Variants in CD300LD observed in about 807,000 individuals in gnomAD.
CD300LD encodes CD300 molecule like family member d, also known as CMRF35-like molecule 5.
CD300LD carries 18 observed loss-of-function variants against 20.3 expected under a neutral mutation model. The observed-to-expected ratio is 0.89, with a 90% confidence interval of 0.61 to 1.32. The LOEUF is 1.32. Ranked by LOEUF, CD300LD falls within the 40% of genes most tolerant of loss-of-function variation. The pLI is 0.00. For missense variants in CD300LD, 195 were observed against 226.6 expected (o/e 0.86, Z 0.90); for synonymous variants, 104 against 90.1 (o/e 1.15, Z -0.87).
chr17:74,588,983 T>C (rs1057203766), intron 1 of CD300LD, 134 bp from the exon 2 acceptor site: 2 of 626,966 alleles, frequency 3.2e-6, no homozygotes, highest in Admixed American at 5.9e-5. Context: ...TCAAGACAAA[T>C]CTTTGTCCTT....
At chr17:74,580,176 G>T in intron 3 of CD300LD, 63 bp from the exon 4 acceptor site, 1 of 1,064,938 alleles carries the variant, frequency 9.4e-7, no homozygotes, top group Non-Finnish European at 1.4e-6. Flanking sequence ...GGTCTTCTCA[G>T]CTCTATGCCC....
chr17:74,591,918 G>T (rs1403857181), intron 1 of CD300LD: 3 of 1,056,544 alleles, frequency 2.8e-6, no homozygotes, highest in Non-Finnish European at 4.0e-6. Flanking sequence ...GAACAGTCAG[G>T]GTTGAGAACC....
chr17:74,587,330 A>G (rs140029696), intron 2 of CD300LD, among the ~76,000 whole-genome samples: 252 of 152,264 alleles, frequency 1.7e-3, no homozygotes, highest in African/African-American at 4.5e-3. Flanking sequence ...ATGTTTTTCC[A>G]TTTCATTTAA....
chr17:74,580,245 C>G (rs1263767613), intron 3 of CD300LD, 132 bp from the exon 4 acceptor site: 13 of 649,732 alleles, frequency 2.0e-5, no homozygotes, highest in Non-Finnish European at 3.1e-5. Context: ...CAGGCCAGCC[C>G]CTTTGGTGGG....
chr17:74,579,220 T>C (rs1341271472), downstream of CD300LD: 1 of 152,250 alleles, frequency 6.6e-6, no homozygotes, highest in Non-Finnish European at 1.5e-5. Flanking sequence ...TCCCTTAAGT[T>C]GGCCCATTAC....
chr17:74,579,788 G>A lies in CD300LD; in HGVS notation c.*214C>T, dbSNP rs1013288013. On this transcript the variant is annotated 3_prime_UTR_variant, in exon 4 of 4. Coordinates refer to ENST00000375352, the MANE Select transcript of CD300LD (RefSeq NM_001115152.2). ...TAGCCCCAGCTACTCTGGAGGTTGA[G>A]GCAGGAGGATCGCTTGAGCCTGGGA... The A allele has an allele frequency of 5.3e-5, 18 of 339,970 alleles. No individual in the cohort carries two copies. Among genetic ancestry groups the A allele is most frequent in the Admixed American group, 1.6e-4 (4 of 25,038 alleles). The allele number at this position is 339,970 out of a possible 1,614,324, so 21.1% of individuals were successfully genotyped here.
At chr17:74,591,265 TAAA>T (rs373754208) in intron 1 of CD300LD, among the ~76,000 whole-genome samples, 1 of 106,290 alleles carries the variant, frequency 9.4e-6, no homozygotes, top group South Asian at 3.0e-4. Flanking sequence ...AAAAAAAAAA[TAAA>T]AATAATAATA....
chr17:74,586,552 A>G (rs1195693247), intron 2 of CD300LD, among the ~76,000 whole-genome samples: 2 of 152,092 alleles, frequency 1.3e-5, no homozygotes, highest in Non-Finnish European at 2.9e-5. Context: ...CCTATAAACA[A>G]TGGAGGCATT....
intron 1 of CD300LD, among the ~76,000 whole-genome samples, chr17:74,591,577 A>C (rs1203788944): frequency 6.6e-6 from 1 of 152,176 alleles, no homozygotes; most frequent in Non-Finnish European, 1.5e-5. Context: ...ATATCTCCAT[A>C]CAAAACTGTG....
intron 1 of CD300LD, among the ~76,000 whole-genome samples, chr17:74,591,519 G>A (rs78790816): frequency 0.028 from 4,258 of 151,982 alleles, 393 homozygotes; most frequent in East Asian, 0.25. Flanking sequence ...AATTAACATA[G>A]GATTCAGCCA....
intron 2 of CD300LD, 97 bp downstream of exon 2, chr17:74,588,414 G>T (rs1238949506): frequency 4.0e-6 from 3 of 757,978 alleles, no homozygotes; most frequent in African/African-American, 1.7e-5. Context: ...TCTGTCACAG[G>T]TCACTCTGAG....
At position 74,579,829 on chromosome 17, in the gene CD300LD, G is replaced by A. The variant is rs1199034170; in HGVS notation, c.*173C>T. The A allele has an allele frequency of 5.0e-5, 22 of 443,324 alleles. No homozygotes were observed. Among genetic ancestry groups the A allele is most frequent in the South Asian group, 7.7e-5 (3 of 38,852 alleles). The allele number at this position is 443,324 out of a possible 1,614,324, so 27.5% of individuals were successfully genotyped here. A position where few individuals can be genotyped will look rare whatever the true frequency, so the allele number is the denominator to read the frequency against. On this transcript the variant is annotated 3_prime_UTR_variant, in exon 4 of 4. Transcript: ENST00000375352. ...GAGCCTGGGAGGGGAAAGTTGCAGT[G>A]AGCAGAGATTACACCATTGCATTCC...
chr17:74,580,007 A>T lies in CD300LD; in HGVS notation c.580T>A (p.Ser194Thr), dbSNP rs780456281. Residue 194 changes from serine to threonine, a missense_variant, in exon 4 of 4, where the codon TCT becomes ACT. Physicochemically the swap from Ser to Thr is moderately conservative, Grantham distance 58. Coordinates refer to ENST00000375352, the MANE Select transcript of CD300LD (RefSeq NM_001115152.2). ...TCGGGCTGACTCCTCCTCCTTCAAG[A>T]CCTTCTTTGTGGTCTGTTTACCCAG... Reference protein sequence around the residue: ...VLWVNRPQRRS With the variant: ...VLWVNRPQRRT The T allele has an allele frequency of 1.2e-6, 2 of 1,607,996 alleles. No homozygotes were observed. The highest frequency in any genetic ancestry group is 1.7e-6 in the Non-Finnish European group (2 of 1,176,210).
Position 74,579,740 on chromosome 17 carries a change from C to T in CD300LD, c.*262G>A. The stretch of plus-strand genomic sequence containing the variant: ...CTCTACAAAAAAATTTAAAAATTAG[C>T]TGGGGGTGGTGGCATGTGCCTGTAG... On this transcript the variant is annotated 3_prime_UTR_variant, in exon 4 of 4. Transcript: ENST00000375352. 4.3e-6 allele frequency: 1 copy of T among 233,236 alleles called. No individual in the cohort carries two copies. The highest frequency in any genetic ancestry group is 7.0e-5 in the South Asian group (1 of 14,382). 14.4% of individuals were successfully genotyped at this position (233,236 alleles called of 1,614,324 possible).
At chr17:74,590,082 TG>T (rs746807767) in intron 1 of CD300LD, among the ~76,000 whole-genome samples, 1 of 152,186 alleles carries the variant, frequency 6.6e-6, no homozygotes, top group Non-Finnish European at 1.5e-5. Context: ...CCACATGTTG[TG>T]GGGGGCACCA....
chr17:74,582,425 A>T, intron 2 of CD300LD, 114 bp from the exon 3 acceptor site: 1 of 722,488 alleles, frequency 1.4e-6, no homozygotes. Flanking sequence ...GGGGTCCAAG[A>T]CTGTCTGGTC....
Position 74,591,557 on chromosome 17 carries a change from A to C in CD300LD, c.40+606T>G, listed in dbSNP as rs118030611. Among the ~76,000 whole-genome samples the C allele has an allele frequency of 1.4e-3, 207 of 152,198 alleles. 1 individual carries two copies. The highest frequency in any genetic ancestry group is 2.5e-3 in the Non-Finnish European group (171 of 68,016). ...TTACCCCTAGATATATACCCAAGAG[A>C]ACTGAAAACATATCTCCATACAAAA... is the stretch of plus-strand genomic sequence containing the variant. On this transcript the variant is annotated intron_variant, in intron 1 of 3. Transcript: ENST00000375352.
At chr17:74,580,809 T>A (rs1368814548) in intron 3 of CD300LD, among the ~76,000 whole-genome samples, 1 of 150,904 alleles carries the variant, frequency 6.6e-6, no homozygotes, top group African/African-American at 2.4e-5. Flanking sequence ...TTCGCACGTG[T>A]AATCCCAGCA....
At position 74,588,735 on chromosome 17, in the gene CD300LD, C is replaced by T. The variant is rs781234456; in HGVS notation, c.155G>A (p.Arg52Gln). ...GTAATTCCAATCAGCTCCTTGACACCGCCACTTCAAGTAGGTCTCCCAGCC... is the reference window on the plus strand; with the variant it reads ...GTAATTCCAATCAGCTCCTTGACACTGCCACTTCAAGTAGGTCTCCCAGCC... The part of the protein sequence containing the change: ...GSGWETYLKW[R>Q]CQGADWNYCN... The change falls in exon 2 of 4, where the codon CGG becomes CAG. Residue 52 changes from arginine (R) to glutamine (Q), a missense_variant. Arg to Gln is a conservative substitution (Grantham distance 43). Transcript: ENST00000375352. 33 of 1,614,004 alleles carry T rather than the reference C, an allele frequency of 2.0e-5. No homozygotes were observed. In the Admixed American group the frequency reaches 3.8e-4, roughly 19 times the overall value.
Sources: allele counts gnomAD v4.1 joint callset (sites outside exome capture counted in the v4.1 genomes callset), GRCh38; gene constraint gnomAD v4.1.1; transcripts MANE v1.5; gene names NCBI Gene and HGNC (gene_info 2026-07-23, HGNC 2026-07-21).